TRIM42: variants seen among roughly 807,000 people sequenced by gnomAD.
TRIM42 encodes tripartite motif-containing protein 42.
A neutral mutation model predicts 64.9 loss-of-function variants in TRIM42; 59 were observed. The ratio of observed to expected loss-of-function variants is 0.91; its 90% CI spans 0.74 to 1.13. The LOEUF (loss-of-function observed/expected upper bound fraction) is 1.13. Ranked by LOEUF, TRIM42 falls within the 50% of genes most tolerant of loss-of-function variation. TRIM42 has a pLI of 0.00. For missense variants in TRIM42, 878 were observed against 929.5 expected (o/e 0.94, Z 0.72); for synonymous variants, 354 against 346.3 (o/e 1.02, Z -0.25).
In TRIM42 at chr3:140,688,026, C is replaced by T. The variant is rs1365662495; in HGVS notation, c.1344C>T (p.Ile448=). The change falls in exon 3 of 5, where the codon ATC becomes ATT. Residue 448 remains isoleucine (I), a synonymous_variant. Transcript: ENST00000286349. ...TGGCATTCCTGCAGTCAGCCAAGAT[C>T]CTGGTGGACCAGATCGAGGACGGCA... is the stretch of plus-strand genomic sequence containing the variant. ...GQVAFLQSAK[I]LVDQIEDGIQ... The T allele has an allele frequency of 6.2e-7, 1 of 1,614,186 alleles. No homozygotes were observed. The highest frequency in any genetic ancestry group is 1.7e-5 in the Admixed American group (1 of 60,026).
chr3:140,687,666 C>T, intron 2 of TRIM42, 56 bp from the exon 3 acceptor site: 1 of 1,371,100 alleles, frequency 7.3e-7, no homozygotes, highest in Non-Finnish European at 1.0e-6. Context: ...TTGCTACTGA[C>T]TTTGACACCT....
intron 1 of TRIM42, among the ~76,000 whole-genome samples, chr3:140,678,917 T>TTAG (rs1988284332): frequency 6.6e-6 from 1 of 152,184 alleles, no homozygotes; most frequent in African/African-American, 2.4e-5. Flanking sequence ...CTAAGTCCAC[T>TTAG]GTTTCCATGA....
chr3:140,688,068 G>A lies in TRIM42; in HGVS notation c.1386G>A (p.Arg462=), dbSNP rs754378813. The change falls in exon 3 of 5, where the codon AGG becomes AGA. Residue 462 remains arginine (R), a synonymous_variant. Transcript: ENST00000286349. ...QIEDGIQTTY[R]PDPQLRLHSI... ...AGGACGGCATCCAGACCACCTACAG[G>A]CCTGACCCACAGCTCCGGCTGCACT... The A allele has an allele frequency of 1.2e-6, 2 of 1,614,014 alleles. No homozygotes were observed. Among genetic ancestry groups the A allele is most frequent in the Non-Finnish European group, 1.7e-6 (2 of 1,180,040 alleles).
chr3:140,692,942 A>G (rs1441651482), intron 4 of TRIM42, among the ~76,000 whole-genome samples: 1 of 152,214 alleles, frequency 6.6e-6, no homozygotes, highest in Non-Finnish European at 1.5e-5. Context: ...TCAGTCTACC[A>G]TCTCAGTCCC....
At chr3:140,692,390 A>C (rs1559939073) in intron 4 of TRIM42, among the ~76,000 whole-genome samples, 1 of 152,120 alleles carries the variant, frequency 6.6e-6, no homozygotes, top group Non-Finnish European at 1.5e-5. Flanking sequence ...CTAGTAATAA[A>C]GGCAAAGCAG....
Position 140,688,441 on chromosome 3 carries a change from A to T in TRIM42, c.1759A>T (p.Ser587Cys), listed in dbSNP as rs771282324. 3 of 1,613,950 alleles carry T rather than the reference A, an allele frequency of 1.9e-6. No individual in the cohort carries two copies. The South Asian group carries it at 3.3e-5, about 18-fold the overall frequency. The stretch of plus-strand genomic sequence containing the variant: ...AGCAGACAGCCAGTCTGTACAGAAC[A>T]GCAGCAGCTTCCACAACTGGTACTC... Reference protein sequence around the residue: ...AGADSQSVQNSSSFHNWYSFN... With the variant: ...AGADSQSVQNCSSFHNWYSFN... Residue 587 changes from serine (S) to cysteine (C), a missense_variant, in exon 3 of 5, where the codon AGC becomes TGC. By Grantham distance (112) the Ser-to-Cys change is moderately radical. Transcript: ENST00000286349.
chr3:140,690,947 G>A (rs1246098676), intron 3 of TRIM42, 21 bp from the exon 4 acceptor site: 46 of 1,574,600 alleles, frequency 2.9e-5, no homozygotes, highest in Non-Finnish European at 3.8e-5. Flanking sequence ...TACCACACCA[G>A]TATGTTCATT....
rs1988623946 is a variant in TRIM42 at position 140,688,530 on chromosome 3, A to G, written c.1848A>G (p.Pro616=). 1.2e-6 allele frequency: 2 copies of G among 1,607,340 alleles called. No individual in the cohort carries two copies. Among genetic ancestry groups the G allele is most frequent in the Non-Finnish European group, 1.7e-6 (2 of 1,176,250 alleles). The change falls in exon 3 of 5, where the codon CCA becomes CCG. Residue 616 remains proline (P), a synonymous_variant. Transcript: ENST00000286349. ...PIVIYQTLVY[P]RAAKVYWTCP... ...TTATCTACCAGACTCTGGTGTACCC[A>G]AGAGCTGCCAAGGTAAGAAAGGTTC...
chr3:140,688,193 T>C lies in TRIM42; in HGVS notation c.1511T>C (p.Leu504Pro), dbSNP rs770907488. 1 of 1,614,192 alleles carries C rather than the reference T, an allele frequency of 6.2e-7. No homozygotes were observed. Among genetic ancestry groups the C allele is most frequent in the Non-Finnish European group, 8.5e-7 (1 of 1,180,020 alleles). Reference sequence around the variant, plus strand: ...AAGGTACGCTCCTCAGGGGACTCCCTGCCCTCCCCCTACCCCGTGCACTCA... The same window carrying C: ...AAGGTACGCTCCTCAGGGGACTCCCCGCCCTCCCCCTACCCCGTGCACTCA... ...PKKVRSSGDS[L>P]PSPYPVHSET... Residue 504 changes from leucine (L) to proline (P), a missense_variant, in exon 3 of 5, where the codon CTG (leucine) becomes CCG (proline). By Grantham distance (98) the Leu-to-Pro change is moderately conservative. Transcript: ENST00000286349.
intron 2 of TRIM42, among the ~76,000 whole-genome samples, chr3:140,687,112 CTT>C (rs1161505710): frequency 6.6e-6 from 1 of 151,936 alleles, no homozygotes; most frequent in Non-Finnish European, 1.5e-5. Flanking sequence ...ACAGCAGACT[CTT>C]TTTTGAAAGG....
rs778471924 is a variant in TRIM42, at chr3:140,688,157, C to T, written c.1475C>T (p.Thr492Ile). ...LSSAIHELFPTGPKKVRSSGD... is the reference protein window; with the variant it reads ...LSSAIHELFPIGPKKVRSSGD... Reference sequence around the variant, plus strand: ...AGTGCCATCCATGAGCTCTTCCCCACAGGGCCCAAGAAGGTACGCTCCTCA... The same window carrying T: ...AGTGCCATCCATGAGCTCTTCCCCATAGGGCCCAAGAAGGTACGCTCCTCA... Residue 492 changes from threonine (T) to isoleucine (I), a missense_variant, in exon 3 of 5, where the codon ACA (threonine) becomes ATA (isoleucine). Transcript: ENST00000286349. 2 of 1,614,192 alleles carry T rather than the reference C, an allele frequency of 1.2e-6. No homozygotes were observed. The highest frequency in any genetic ancestry group is 2.2e-5 in the East Asian group (1 of 44,876).
At position 140,678,510 on chromosome 3, in the gene TRIM42, G is replaced by A. The variant is rs201174770; in HGVS notation, c.281G>A (p.Arg94His). The A allele has an allele frequency of 2.0e-5, 33 of 1,613,926 alleles. No homozygotes were observed. Among genetic ancestry groups the A allele is most frequent in the Middle Eastern group, 1.6e-4 (1 of 6,082 alleles). The change falls in exon 1 of 5, where the codon CGC becomes CAC. Residue 94 changes from arginine to histidine, a missense_variant. By Grantham distance (29) the Arg-to-His change is conservative (BLOSUM62 0). Coordinates refer to ENST00000286349, the MANE Select transcript of TRIM42 (RefSeq NM_152616.5). ...CTCAACTGCTACTACTATGAGAGCC[G>A]CTGCTGCCGCAATACCATCATCACT... ...SNLNCYYYES[R>H]CCRNTIITFH...
intron 4 of TRIM42, among the ~76,000 whole-genome samples, chr3:140,696,282 C>T (rs1309164248): frequency 6.6e-6 from 1 of 152,174 alleles, no homozygotes; most frequent in Non-Finnish European, 1.5e-5. Flanking sequence ...CATTGTGTTA[C>T]ATATCTTACT....
chr3:140,692,155 T>TTC (rs1988732399), intron 4 of TRIM42, among the ~76,000 whole-genome samples: 1 of 151,974 alleles, frequency 6.6e-6, no homozygotes, highest in Admixed American at 6.6e-5. Context: ...CCCTGCTTCC[T>TTC]TCTCTCTCTC....
Position 140,683,012 on chromosome 3 carries a change from A to T in TRIM42, c.892A>T (p.Ile298Phe). Residue 298 changes from isoleucine (I) to phenylalanine (F), a missense_variant, in exon 2 of 5, where the codon ATC becomes TTC. Physicochemically the swap from Ile to Phe is conservative, Grantham distance 21 (BLOSUM62 0). Transcript: ENST00000286349. Reference sequence around the variant, plus strand: ...CTGCATCCACCACCCATCCAGCCGCATCATCGAGTACTGCCGCAATGACAA... The same window carrying T: ...CTGCATCCACCACCCATCCAGCCGCTTCATCGAGTACTGCCGCAATGACAA... ...KICIHHPSSR[I>F]IEYCRNDNKL... The T allele has an allele frequency of 2.5e-6, 4 of 1,614,190 alleles. No individual in the cohort carries two copies. The highest frequency in any genetic ancestry group is 3.4e-6 in the Non-Finnish European group (4 of 1,180,018).
intron 4 of TRIM42, among the ~76,000 whole-genome samples, chr3:140,698,518 A>G (rs1988913816): frequency 6.6e-6 from 1 of 152,226 alleles, no homozygotes; most frequent in Admixed American, 6.5e-5. Context: ...ACAAAAAAAG[A>G]TAACTGTGAG....
At chr3:140,691,256 G>C in intron 4 of TRIM42, 64 bp downstream of exon 4, 2 of 1,337,350 alleles carry the variant, frequency 1.5e-6, no homozygotes, top group Non-Finnish European at 2.1e-6. Flanking sequence ...ATGAGGCCCT[G>C]TTAAGATGAT....
Position 140,690,951 on chromosome 3 carries a change from G to A in TRIM42, c.1861-17G>A, listed in dbSNP as rs746220020. 1.3e-6 allele frequency: 2 copies of A among 1,593,690 alleles called. No homozygotes were observed. Among genetic ancestry groups the A allele is most frequent in the East Asian group, 4.5e-5 (2 of 44,752 alleles). On this transcript the variant is annotated splice_polypyrimidine_tract_variant and intron_variant, in intron 3 of 4. Transcript: ENST00000286349. ...ATGTATACTAGTACCACACCAGTAT[G>A]TTCATTTCTTCCATAGGTTTACTGG...
At chr3:140,681,993 T>C (rs1211807191) in intron 1 of TRIM42, among the ~76,000 whole-genome samples, 5 of 152,182 alleles carry the variant, frequency 3.3e-5, no homozygotes, top group African/African-American at 1.2e-4. Flanking sequence ...TTAAGTGGTC[T>C]TGTTTCTGCT....
Sources: gnomAD v4.1 joint callset for allele counts (sites outside exome capture counted in the v4.1 genomes callset) on GRCh38, gnomAD v4.1.1 for gene constraint, MANE v1.5 for transcripts, NCBI Gene and HGNC (gene_info 2026-07-23, HGNC 2026-07-21) for gene names.